Variants in PCDH9 observed in about 807,000 individuals in gnomAD.
The protein encoded by PCDH9 is protocadherin-9.
In PCDH9, 24 loss-of-function variants were observed where a neutral mutation model predicts 70.6. That is an observed-to-expected ratio of 0.34 (90% CI 0.25 to 0.48). The LOEUF (loss-of-function observed/expected upper bound fraction) is 0.48. Ranked by LOEUF, PCDH9 falls within the 20% of genes least tolerant of loss-of-function variation. The pLI is 0.99. For missense variants in PCDH9, 1,281 were observed against 1,503.6 expected (o/e 0.85, Z 2.45); for synonymous variants, 562 against 558.5 (o/e 1.01, Z -0.09).
chr13:66,737,494 C>T (rs1367956107), intron 3 of PCDH9, among the ~76,000 whole-genome samples: 2 of 152,164 alleles, frequency 1.3e-5, no homozygotes, highest in Non-Finnish European at 2.9e-5. Context: ...GGGGAGGAGC[C>T]AAGATGGCCG....
At chr13:67,000,744 C>T (rs557540674) in intron 2 of PCDH9, among the ~76,000 whole-genome samples, 2 of 151,934 alleles carry the variant, frequency 1.3e-5, no homozygotes, top group Non-Finnish European at 2.9e-5. Flanking sequence ...AAACTAATAC[C>T]ATTCTTAATT....
chr13:66,593,548 G>A (rs2077063218), intron 4 of PCDH9, among the ~76,000 whole-genome samples: 2 of 151,726 alleles, frequency 1.3e-5, no homozygotes, highest in South Asian at 4.2e-4. Flanking sequence ...TCATTTGTAA[G>A]AAGCAGAAAA....
At chr13:67,004,834 T>G (rs1365215178) in intron 2 of PCDH9, among the ~76,000 whole-genome samples, 2 of 152,100 alleles carry the variant, frequency 1.3e-5, no homozygotes, top group African/African-American at 4.8e-5. Flanking sequence ...GATATTTTAT[T>G]TAAGCCTCTT....
At chr13:66,637,434 T>A (rs780788975) in intron 3 of PCDH9, among the ~76,000 whole-genome samples, 3 of 152,218 alleles carry the variant, frequency 2.0e-5, no homozygotes, top group Non-Finnish European at 4.4e-5. Flanking sequence ...GATAAAATTA[T>A]AAAGCACTTT....
At chr13:66,776,032 G>A (rs981848751) in intron 3 of PCDH9, among the ~76,000 whole-genome samples, 1 of 152,110 alleles carries the variant, frequency 6.6e-6, no homozygotes, top group Non-Finnish European at 1.5e-5. Context: ...ACACACTGCT[G>A]TTGTTCAGGA....
intron 4 of PCDH9, among the ~76,000 whole-genome samples, chr13:66,412,390 A>C (rs1957385750): frequency 2.0e-5 from 3 of 152,200 alleles, no homozygotes; most frequent in Non-Finnish European, 4.4e-5. Context: ...GTTGCACTAC[A>C]TTAAGAGAAA....
Position 67,105,054 on chromosome 13 carries a change from C to A in PCDH9, c.3036+120351G>T, listed in dbSNP as rs1179343869. Among the ~76,000 whole-genome samples, 3 of 152,006 alleles carry A rather than the reference C, an allele frequency of 2.0e-5. No homozygotes were observed. In the East Asian group the frequency reaches 5.8e-4, roughly 29 times the overall value. ...CACTGCTACATCTAGTCTGCAGTCA[C>A]ATATCTTGCCACTAACACTCTTTCA... is the stretch of plus-strand genomic sequence containing the variant. On this transcript the variant is annotated intron_variant, in intron 2 of 4. Coordinates refer to ENST00000377865, the MANE Select transcript of PCDH9 (RefSeq NM_203487.3).
At chr13:66,501,999 G>T (rs1274756848) in intron 4 of PCDH9, among the ~76,000 whole-genome samples, 3 of 152,104 alleles carry the variant, frequency 2.0e-5, no homozygotes, top group Non-Finnish European at 2.9e-5. Flanking sequence ...AAGGTGATGT[G>T]AAGGCTTAGT....
chr13:67,168,390 A>G (rs1481358394), intron 2 of PCDH9, among the ~76,000 whole-genome samples: 1 of 152,134 alleles, frequency 6.6e-6, no homozygotes, highest in Non-Finnish European at 1.5e-5. Context: ...AAATAGTTCT[A>G]TACTAGGAAT....
chr13:66,707,721 G>C (rs913277531), intron 3 of PCDH9, among the ~76,000 whole-genome samples: 11 of 152,256 alleles, frequency 7.2e-5, no homozygotes, highest in Non-Finnish European at 1.5e-4. Context: ...TGTGTACAAG[G>C]AAAATATTTG....
chr13:67,158,619 C>A (rs957580622), intron 2 of PCDH9, among the ~76,000 whole-genome samples: 1 of 152,200 alleles, frequency 6.6e-6, no homozygotes, highest in Non-Finnish European at 1.5e-5. Context: ...AGTGCTTTCA[C>A]CAGACACCAG....
At chr13:66,611,933 C>T (rs764684670) in intron 4 of PCDH9, among the ~76,000 whole-genome samples, 16 of 152,178 alleles carry the variant, frequency 1.1e-4, no homozygotes, top group East Asian at 1.9e-4. Context: ...ATAGAAGAGG[C>T]ATTATTTGTA....
chr13:66,662,236 G>A (rs1264332555), intron 3 of PCDH9, among the ~76,000 whole-genome samples: 1 of 152,052 alleles, frequency 6.6e-6, no homozygotes, highest in African/African-American at 2.4e-5. Flanking sequence ...ACTTTGGGGG[G>A]CTGAGGCGGG....
At chr13:66,617,119 G>T (rs1216127749) in intron 4 of PCDH9, among the ~76,000 whole-genome samples, 1 of 152,168 alleles carries the variant, frequency 6.6e-6, no homozygotes, top group Non-Finnish European at 1.5e-5. Context: ...GACAGTAGGT[G>T]GGAAGGAGAT....
intron 3 of PCDH9, among the ~76,000 whole-genome samples, chr13:66,847,401 T>C (rs1304150569): frequency 6.6e-6 from 1 of 152,194 alleles, no homozygotes; most frequent in Non-Finnish European, 1.5e-5. Context: ...AGTGGGTGCC[T>C]GAAACTGCAG....
intron 4 of PCDH9, among the ~76,000 whole-genome samples, chr13:66,442,857 A>G (rs1958001579): frequency 6.6e-6 from 1 of 152,230 alleles, no homozygotes; most frequent in South Asian, 2.1e-4. Flanking sequence ...GACAAAAAGA[A>G]TACTTATTAA....
intron 4 of PCDH9, among the ~76,000 whole-genome samples, chr13:66,420,800 C>T (rs1957553364): frequency 6.6e-6 from 1 of 152,032 alleles, no homozygotes; most frequent in African/African-American, 2.4e-5. Context: ...CAACTCCTCA[C>T]CAGCAAGGGA....
intron 2 of PCDH9, among the ~76,000 whole-genome samples, chr13:67,061,541 T>C (rs945923604): frequency 4.6e-5 from 7 of 152,038 alleles, no homozygotes; most frequent in African/African-American, 1.7e-4. Flanking sequence ...GAAAAAAGGA[T>C]TGGTTTAAAA....
chr13:66,370,854 T>G (rs1956638256), intron 4 of PCDH9, among the ~76,000 whole-genome samples: 1 of 152,088 alleles, frequency 6.6e-6, no homozygotes, highest in African/African-American at 2.4e-5. Context: ...CCTTGCTATT[T>G]TTACCTAGTG....
Sources: allele counts gnomAD v4.1 joint callset (sites outside exome capture counted in the v4.1 genomes callset), GRCh38; gene constraint gnomAD v4.1.1; transcripts MANE v1.5; gene names NCBI Gene and HGNC (gene_info 2026-07-23, HGNC 2026-07-21).